The following UPB1 variants were observed in gnomAD, a reference collection of about 807,000 sequenced individuals.
The protein encoded by UPB1 is beta-ureidopropionase.
In UPB1, 40 loss-of-function variants were observed where a neutral mutation model predicts 49.1. The ratio of observed to expected loss-of-function variants is 0.81; its 90% CI spans 0.63 to 1.06. UPB1 has a LOEUF of 1.06. Ranked by LOEUF, UPB1 falls within the 50% of genes least tolerant of loss-of-function variation. The probability of loss-of-function intolerance (pLI) is 0.00; values close to 1 mark genes in which losing one functional copy is unlikely to be tolerated. For missense variants in UPB1, 499 were observed against 505.9 expected (o/e 0.99, Z 0.13); for synonymous variants, 207 against 198.2 (o/e 1.04, Z -0.38).
chr22:24,498,781 G>A (rs2043936670), intron 1 of UPB1, among the ~76,000 whole-genome samples: 1 of 152,132 alleles, frequency 6.6e-6, no homozygotes, highest in African/African-American at 2.4e-5. Flanking sequence ...CACAGGCTGA[G>A]AGGCCAGGCA....
chr22:24,513,265 T>TA (rs2044237624), intron 4 of UPB1, 59 bp from the exon 5 acceptor site: 8 of 1,612,860 alleles, frequency 5.0e-6, no homozygotes, highest in African/African-American at 2.7e-5. Context: ...TCTTCTTTGA[T>TA]AAAAAACTAC....
chr22:24,511,604 A>C, intron 4 of UPB1, among the ~76,000 whole-genome samples: 1 of 103,166 alleles, frequency 9.7e-6, no homozygotes. Flanking sequence ...TGAATTATAT[A>C]TATATATATA....
intron 3 of UPB1, among the ~76,000 whole-genome samples, chr22:24,507,038 C>T (rs10428056): frequency 0.027 from 4,041 of 152,238 alleles, 180 homozygotes; most frequent in African/African-American, 0.091. Flanking sequence ...AACCTCGTCC[C>T]CTCTAGTTGA....
intron 1 of UPB1, among the ~76,000 whole-genome samples, chr22:24,497,110 G>A (rs527826480): frequency 3.3e-5 from 5 of 152,200 alleles, no homozygotes; most frequent in Non-Finnish European, 5.9e-5. Context: ...AGTGATGGAT[G>A]TGGAGGTCTG....
intron 1 of UPB1, among the ~76,000 whole-genome samples, chr22:24,498,493 C>T (rs945375246): frequency 3.9e-5 from 6 of 152,266 alleles, no homozygotes; most frequent in Middle Eastern, 6.8e-3. Flanking sequence ...ACAGGAGTGG[C>T]TGGGAGGAGG....
At chr22:24,520,213 C>T (rs1428229123) in intron 6 of UPB1, 174 bp from the exon 7 acceptor site, 14 of 713,344 alleles carry the variant, frequency 2.0e-5, no homozygotes, top group African/African-American at 5.2e-5. Context: ...GGGGTGTGAC[C>T]GGTGAGTCTC....
chr22:24,497,463 G>C (rs2043913649), intron 1 of UPB1, among the ~76,000 whole-genome samples: 1 of 152,240 alleles, frequency 6.6e-6, no homozygotes, highest in Admixed American at 6.5e-5. Context: ...GAAGTGAGAG[G>C]TTGCTGAGGA....
intron 8 of UPB1, 134 bp downstream of exon 8, chr22:24,522,162 T>A: frequency 9.6e-7 from 1 of 1,042,356 alleles, no homozygotes; most frequent in Non-Finnish European, 1.5e-6. Context: ...AGGCGCCAAT[T>A]CCTCTCTGCT....
At chr22:24,500,008 C>T (rs1330142724) in intron 1 of UPB1, 99 bp from the exon 2 acceptor site, 6 of 1,583,216 alleles carry the variant, frequency 3.8e-6, no homozygotes, top group Non-Finnish European at 5.2e-6. Flanking sequence ...GACATCCTCA[C>T]CTCTTTGGCT....
chr22:24,507,031 C>T (rs1210295533), intron 3 of UPB1, among the ~76,000 whole-genome samples: 1 of 152,154 alleles, frequency 6.6e-6, no homozygotes, highest in Non-Finnish European at 1.5e-5. Flanking sequence ...CATGTGGAAC[C>T]TCGTCCCCTC....
At chr22:24,510,048 C>A (rs1221662435) in intron 3 of UPB1, among the ~76,000 whole-genome samples, 1 of 152,078 alleles carries the variant, frequency 6.6e-6, no homozygotes, top group Non-Finnish European at 1.5e-5. Flanking sequence ...GCCTGACCAA[C>A]ATGGAGAAAC....
chr22:24,520,080 T>C (rs2044360369), intron 6 of UPB1: 2 of 461,906 alleles, frequency 4.3e-6, no homozygotes, highest in Non-Finnish European at 8.0e-6. Flanking sequence ...GAGGATTTGA[T>C]CCAGGGCTGC....
At chr22:24,496,394 C>T (rs1185189297) in intron 1 of UPB1, among the ~76,000 whole-genome samples, 9 of 135,402 alleles carry the variant, frequency 6.6e-5, no homozygotes, top group African/African-American at 2.6e-4. Context: ...CACACACACA[C>T]ACACACACAT....
In UPB1 at chr22:24,523,737, C is replaced by T. The variant is rs2044436869; in HGVS notation, c.1035C>T (p.Asn345=). The T allele has an allele frequency of 1.2e-6, 2 of 1,614,150 alleles. No homozygotes were observed. The highest frequency in any genetic ancestry group is 1.3e-5 in the African/African-American group (1 of 74,946). ...TGCTAGTTGCTAAGCTCGACCTAAA[C>T]CTCTGCCAGCAGGTGAATGATGTCT... ...DGLLVAKLDL[N]LCQQVNDVWN... Residue 345 remains asparagine, a synonymous_variant, in exon 9 of 10, where the codon AAC becomes AAT. Coordinates refer to ENST00000326010, the MANE Select transcript of UPB1 (RefSeq NM_016327.3).
chr22:24,510,250 A>T (rs131454), intron 3 of UPB1, among the ~76,000 whole-genome samples: 41 of 151,422 alleles, frequency 2.7e-4, no homozygotes, highest in Admixed American at 1.7e-3. Context: ...AAAAAAAAAA[A>T]TTTGACTACT....
rs557595330 is a variant in UPB1 at position 24,526,116 on chromosome 22, G to C, written c.*322G>C. On this transcript the variant is annotated 3_prime_UTR_variant, in exon 10 of 10. Coordinates refer to ENST00000326010, the MANE Select transcript of UPB1 (RefSeq NM_016327.3). ...TGCCCAGGTACTGCTTGTGCAGGTG[G>C]ATTTGAGGTTAGGCAGATGATGCTG... The C allele has an allele frequency of 5.5e-5, 21 of 380,400 alleles. No individual in the cohort carries two copies. Among genetic ancestry groups the C allele is most frequent in the African/African-American group, 4.2e-4 (20 of 47,800 alleles). The allele number at this position is 380,400 out of a possible 1,614,324, so 23.6% of individuals were successfully genotyped here.
intron 7 of UPB1, 38 bp from the exon 8 acceptor site, chr22:24,521,948 C>T (rs751892953): frequency 3.1e-6 from 5 of 1,611,172 alleles, no homozygotes; most frequent in Non-Finnish European, 4.2e-6. Context: ...GTGGTAGTGC[C>T]ACCTATAGGT....
intron 6 of UPB1, chr22:24,520,098 T>C: frequency 2.0e-6 from 1 of 497,014 alleles, no homozygotes; most frequent in South Asian, 2.1e-5. Flanking sequence ...TGCTAATTCT[T>C]CTGACAGAGC....
In UPB1 at chr22:24,525,775, C is replaced by T; in HGVS notation, c.1136C>T (p.Pro379Leu). 6.2e-7 allele frequency: 1 copy of T among 1,614,168 alleles called. No individual in the cohort carries two copies. The highest frequency in any genetic ancestry group is 1.1e-5 in the South Asian group (1 of 91,088). ...LAEAVKSNYS[P>L]TIVKE The stretch of plus-strand genomic sequence containing the variant: ...GAAGCTGTCAAGTCCAACTACAGCC[C>T]CACCATCGTGAAAGAGTAGCCGGCT... The change falls in exon 10 of 10, where the codon CCC becomes CTC. Residue 379 changes from proline (P) to leucine (L), a missense_variant. Coordinates refer to ENST00000326010, the MANE Select transcript of UPB1 (RefSeq NM_016327.3).
Sources: gnomAD v4.1 joint callset for allele counts (sites outside exome capture counted in the v4.1 genomes callset) on GRCh38, gnomAD v4.1.1 for gene constraint, MANE v1.5 for transcripts, NCBI Gene and HGNC (gene_info 2026-07-23, HGNC 2026-07-21) for gene names.